Variants in SPMIP10 observed in about 807,000 individuals in gnomAD.
SPMIP10 encodes the protein sperm microtubule inner protein 10.
the SPMIP10 span, chr5:126,631,821 G>T: frequency 6.3e-7 from 1 of 1,592,142 alleles, no homozygotes; most frequent in Non-Finnish European, 8.6e-7. Flanking sequence ...CTGCTAATAA[G>T]TAAGGATTTA....
the SPMIP10 span, among the ~76,000 whole-genome samples, chr5:126,635,045 G>A: frequency 2.5e-4 from 38 of 151,680 alleles, no homozygotes; most frequent in African/African-American, 8.7e-4. Context: ...GGTGTGTGCT[G>A]TAGTCCCAGC....
the SPMIP10 span, among the ~76,000 whole-genome samples, chr5:126,632,134 C>T: frequency 6.6e-6 from 1 of 151,130 alleles, no homozygotes; most frequent in African/African-American, 2.4e-5. Flanking sequence ...TGCAGTGGCT[C>T]ACGGCTGTAA....
At chr5:126,632,258 TAAAAAAAAAAAAAA>T in the SPMIP10 span, among the ~76,000 whole-genome samples, 3 of 57,184 alleles carry the variant, frequency 5.2e-5, no homozygotes, top group Non-Finnish European at 1.0e-4. Flanking sequence ...TCCATCTCAT[TAAAAAAAAAAAAAA>T]AAAAAAAAAA....
At chr5:126,635,877 G>T in the SPMIP10 span, among the ~76,000 whole-genome samples, 1 of 151,970 alleles carries the variant, frequency 6.6e-6, no homozygotes, top group Admixed American at 6.6e-5. Flanking sequence ...GCCCAGGCTG[G>T]TCTCAAATTC....
At chr5:126,636,071 G>T in the SPMIP10 span, 4 of 1,614,016 alleles carry the variant, frequency 2.5e-6, no homozygotes, top group South Asian at 1.1e-5. Flanking sequence ...CCCTTTAGAA[G>T]ACTCTCTGTT....
chr5:126,632,310 G>A, the SPMIP10 span, among the ~76,000 whole-genome samples: 1 of 148,650 alleles, frequency 6.7e-6, no homozygotes, highest in Non-Finnish European at 1.5e-5. Flanking sequence ...GGACATTGTG[G>A]GCAAATTGTA....
the SPMIP10 span, chr5:126,636,201 G>A: frequency 6.2e-7 from 1 of 1,614,092 alleles, no homozygotes; most frequent in Non-Finnish European, 8.5e-7. Flanking sequence ...AGATACCAAA[G>A]CACTGTGATT....
At chr5:126,633,420 G>T in the SPMIP10 span, among the ~76,000 whole-genome samples, 2 of 152,004 alleles carry the variant, frequency 1.3e-5, no homozygotes, top group Non-Finnish European at 1.5e-5. Flanking sequence ...GAGTGCAGTG[G>T]CGTGATCACA....
the SPMIP10 span, among the ~76,000 whole-genome samples, chr5:126,635,036 G>A: frequency 7.3e-5 from 11 of 151,674 alleles, no homozygotes; most frequent in African/African-American, 2.7e-4. Flanking sequence ...AGGCATTGTG[G>A]TGTGTGCTGT....
At chr5:126,636,160 T>A in the SPMIP10 span, 7 of 1,614,188 alleles carry the variant, frequency 4.3e-6, no homozygotes, top group Admixed American at 1.7e-5. Context: ...AAATAAAAAT[T>A]GCAGATATGC....
At chr5:126,632,681 A>G in the SPMIP10 span, 2 of 1,345,674 alleles carry the variant, frequency 1.5e-6, no homozygotes, top group Admixed American at 1.7e-5. Flanking sequence ...ACACATAAGG[A>G]AAAAAAACAA....
the SPMIP10 span, chr5:126,636,234 T>G: frequency 1.2e-5 from 19 of 1,611,556 alleles, no homozygotes; most frequent in Non-Finnish European, 1.5e-5. Context: ...AGGAGGCGAC[T>G]AGTCTAATGA....
the SPMIP10 span, among the ~76,000 whole-genome samples, chr5:126,633,421 C>T: frequency 1.4e-4 from 22 of 152,044 alleles, no homozygotes; most frequent in East Asian, 3.5e-3. Flanking sequence ...AGTGCAGTGG[C>T]GTGATCACAG....
At chr5:126,635,669 T>C in the SPMIP10 span, among the ~76,000 whole-genome samples, 3 of 152,174 alleles carry the variant, frequency 2.0e-5, no homozygotes, top group Non-Finnish European at 4.4e-5. Flanking sequence ...AGAAAAACTA[T>C]TGGGAAACTT....
chr5:126,636,109 T>C, the SPMIP10 span: 2 of 1,614,052 alleles, frequency 1.2e-6, no homozygotes, highest in Admixed American at 3.3e-5. Flanking sequence ...GGCTTTGCCA[T>C]GGGGAAGATC....
At chr5:126,633,392 G>A in the SPMIP10 span, among the ~76,000 whole-genome samples, 22 of 151,890 alleles carry the variant, frequency 1.4e-4, no homozygotes, top group African/African-American at 2.4e-4. Flanking sequence ...ACAGGGTCTC[G>A]CTCTGTCATC....
At chr5:126,632,678 A>AG in the SPMIP10 span, 1 of 1,421,936 alleles carries the variant, frequency 7.0e-7, no homozygotes, top group Non-Finnish European at 9.9e-7. Flanking sequence ...AGCACACATA[A>AG]GGAAAAAAAA....
chr5:126,631,734 A>T, the SPMIP10 span: 1 of 1,604,270 alleles, frequency 6.2e-7, no homozygotes. Flanking sequence ...TGCTGTCAGG[A>T]ATGGCTTCAG....
chr5:126,633,205 T>C, the SPMIP10 span, among the ~76,000 whole-genome samples: 5 of 151,922 alleles, frequency 3.3e-5, no homozygotes, highest in Non-Finnish European at 7.4e-5. Flanking sequence ...AAACTCATCA[T>C]CAGAAGATGC....
Sources: gnomAD v4.1 joint callset for allele counts (sites outside exome capture counted in the v4.1 genomes callset) on GRCh38, gnomAD v4.1.1 for gene constraint, MANE v1.5 for transcripts, NCBI Gene and HGNC (gene_info 2026-07-23, HGNC 2026-07-21) for gene names.